PAX7: variants seen among roughly 807,000 people sequenced by gnomAD.
PAX7 encodes the protein paired box 7.
PAX7 carries 18 observed loss-of-function variants against 50.7 expected under a neutral mutation model. The observed-to-expected ratio is 0.36, with a 90% confidence interval of 0.25 to 0.53. The LOEUF is 0.53. Ranked by LOEUF, PAX7 falls within the 20% of genes least tolerant of loss-of-function variation. The pLI is 0.93. For synonymous variants in PAX7, 310 were observed against 290.4 expected (o/e 1.07, Z -0.69); for missense variants, 644 against 702.9 (o/e 0.92, Z 0.95).
chr1:18,696,460 G>A (rs1306365715), intron 5 of PAX7, among the ~76,000 whole-genome samples: 1 of 152,200 alleles, frequency 6.6e-6, no homozygotes, highest in Non-Finnish European at 1.5e-5. Context: ...CGGGGTATGT[G>A]TGATTCTTCT....
intron 7 of PAX7, among the ~76,000 whole-genome samples, chr1:18,710,986 C>T (rs1202159613): frequency 1.3e-5 from 2 of 152,218 alleles, no homozygotes; most frequent in Non-Finnish European, 2.9e-5. Flanking sequence ...CTCTGCGCCC[C>T]GCCCAGCCCT....
At chr1:18,719,449 C>G (rs2089467874) in intron 7 of PAX7, among the ~76,000 whole-genome samples, 1 of 152,240 alleles carries the variant, frequency 6.6e-6, no homozygotes. Flanking sequence ...AACCCAGCCC[C>G]TAGGCCCTGA....
At chr1:18,666,571 A>G (rs901673789) in intron 4 of PAX7, among the ~76,000 whole-genome samples, 1 of 152,158 alleles carries the variant, frequency 6.6e-6, no homozygotes, top group African/African-American at 2.4e-5. Context: ...CTTAGCCCCC[A>G]ATCTGAGTAA....
chr1:18,655,785 G>A (rs553452851), intron 4 of PAX7, among the ~76,000 whole-genome samples: 1 of 151,694 alleles, frequency 6.6e-6, no homozygotes, highest in East Asian at 1.9e-4. Flanking sequence ...GTGTGTGTGT[G>A]TGTGTGTGTG....
chr1:18,710,250 C>G (rs886470441), intron 7 of PAX7, among the ~76,000 whole-genome samples: 2 of 152,132 alleles, frequency 1.3e-5, no homozygotes, highest in Non-Finnish European at 2.9e-5. Context: ...GGTTCTAATT[C>G]AGGTCTGCCG....
intron 5 of PAX7, among the ~76,000 whole-genome samples, chr1:18,693,446 C>G (rs2089105740): frequency 6.6e-6 from 1 of 152,166 alleles, no homozygotes; most frequent in Admixed American, 6.5e-5. Flanking sequence ...GAGCCAGGCC[C>G]AGCTGCTGGC....
chr1:18,710,970 G>A (rs866770168), intron 7 of PAX7, among the ~76,000 whole-genome samples: 6 of 152,180 alleles, frequency 3.9e-5, no homozygotes, highest in African/African-American at 7.2e-5. Context: ...CCCCAGCTGC[G>A]CGCTCCTCTG....
chr1:18,707,572 G>A (rs986046347), intron 7 of PAX7, among the ~76,000 whole-genome samples: 6 of 151,786 alleles, frequency 4.0e-5, no homozygotes, highest in Non-Finnish European at 8.8e-5. Context: ...ACAGGCATGC[G>A]CCACCATGCC....
chr1:18,733,623 G>C (rs1304116231), intron 7 of PAX7, among the ~76,000 whole-genome samples: 1 of 152,102 alleles, frequency 6.6e-6, no homozygotes, highest in African/African-American at 2.4e-5. Flanking sequence ...CTGAGGGCAT[G>C]GGGGAAAGAA....
intron 7 of PAX7, among the ~76,000 whole-genome samples, chr1:18,725,304 C>A (rs952220053): frequency 6.3e-4 from 18 of 28,732 alleles, no homozygotes; most frequent in African/African-American, 5.6e-4. Flanking sequence ...GTGGAGACGC[C>A]CCCCCCCCGC....
At chr1:18,716,422 G>C (rs1304203874) in intron 7 of PAX7, among the ~76,000 whole-genome samples, 8 of 151,422 alleles carry the variant, frequency 5.3e-5, no homozygotes. Context: ...CCAGCCATTC[G>C]TGCCTCCCTG....
intron 7 of PAX7, 82 bp downstream of exon 7, chr1:18,703,378 G>A: frequency 1.5e-6 from 2 of 1,290,502 alleles, no homozygotes; most frequent in South Asian, 1.2e-5. Context: ...TGGAAGCCTT[G>A]CGCTCTTTCC....
chr1:18,667,451 G>GA (rs2088687387), intron 4 of PAX7, among the ~76,000 whole-genome samples: 1 of 149,426 alleles, frequency 6.7e-6, no homozygotes, highest in Non-Finnish European at 1.5e-5. Context: ...AGGAAGGAAG[G>GA]AGCTTTGGTC....
At position 18,745,823 on chromosome 1, in the gene PAX7, G is replaced by A. The variant is rs144097711; in HGVS notation, c.*894G>A. ...TTAGCTGAATCAGATGAGATGGGGAGGGGATAAAGTCTTGAGGATACATGA... is the reference window on the plus strand; with the variant it reads ...TTAGCTGAATCAGATGAGATGGGGAAGGGATAAAGTCTTGAGGATACATGA... On this transcript the variant is annotated 3_prime_UTR_variant, in exon 9 of 9. Transcript: ENST00000420770. 6.4e-3 allele frequency: 1,483 copies of A among 232,484 alleles called. 18 individuals carry two copies. Among genetic ancestry groups the A allele is most frequent in the African/African-American group, 0.028 (1,287 of 45,402 alleles). The allele number at this position is 232,484 out of a possible 1,614,324, so 14.4% of individuals were successfully genotyped here.
At chr1:18,651,335 A>G (rs1447659839) in intron 4 of PAX7, among the ~76,000 whole-genome samples, 1 of 152,224 alleles carries the variant, frequency 6.6e-6, no homozygotes, top group Non-Finnish European at 1.5e-5. Context: ...GTATATGCAT[A>G]TATTTTTATA....
chr1:18,727,981 G>C (rs1176829332), intron 7 of PAX7, among the ~76,000 whole-genome samples: 1 of 152,044 alleles, frequency 6.6e-6, no homozygotes, highest in East Asian at 1.9e-4. Flanking sequence ...GGAGGGGGAG[G>C]GTCCAGATCC....
chr1:18,731,914 T>C (rs1169625047), intron 7 of PAX7, among the ~76,000 whole-genome samples: 1 of 152,174 alleles, frequency 6.6e-6, no homozygotes, highest in African/African-American at 2.4e-5. Flanking sequence ...AAGCCCCTTC[T>C]GAGAAAGGAC....
chr1:18,675,667 G>A (rs995199187), intron 4 of PAX7, among the ~76,000 whole-genome samples: 4 of 152,132 alleles, frequency 2.6e-5, no homozygotes, highest in African/African-American at 4.8e-5. Flanking sequence ...ATGAGCCCCC[G>A]GCTGCTTTTT....
chr1:18,718,285 G>GC (rs1176215583), intron 7 of PAX7, among the ~76,000 whole-genome samples: 2 of 152,334 alleles, frequency 1.3e-5, no homozygotes, highest in East Asian at 3.9e-4. Context: ...CGGGGTGCCA[G>GC]CAGAATCCAG....
Sources: allele counts gnomAD v4.1 joint callset (sites outside exome capture counted in the v4.1 genomes callset), GRCh38; gene constraint gnomAD v4.1.1; transcripts MANE v1.5; gene names NCBI Gene and HGNC (gene_info 2026-07-23, HGNC 2026-07-21).